ARHGAP45: variants seen among roughly 807,000 people sequenced by gnomAD.
The protein encoded by ARHGAP45 is rho GTPase-activating protein 45.
In ARHGAP45, 56 loss-of-function variants were observed where a neutral mutation model predicts 116.1. That is an observed-to-expected ratio of 0.48 (90% CI 0.39 to 0.60). ARHGAP45 has a LOEUF of 0.60. ARHGAP45 is among the 20% of genes least tolerant of loss of function. The pLI is 0.00. For missense variants in ARHGAP45, 1,622 were observed against 1,601.0 expected (o/e 1.01, Z -0.22); for synonymous variants, 866 against 701.7 (o/e 1.23, Z -3.70).
Position 1,080,476 on chromosome 19 carries a change from A to C in ARHGAP45, c.1841A>C (p.His614Pro). ...CCTCTTTCTCCAGCCGGGCGAGGAC[A>C]CCAGGTTCACAAGTCATGGCCGCTC... ...PAKDHRAGRG[H>P]QVHKSWPLSI... Residue 614 changes from histidine (H) to proline (P), a missense_variant, in exon 15 of 23, where the codon CAC (histidine) becomes CCC (proline). His to Pro is a moderately conservative substitution (Grantham distance 77). Coordinates refer to ENST00000313093, the MANE Select transcript of ARHGAP45 (RefSeq NM_012292.5). The C allele has an allele frequency of 6.2e-7, 1 of 1,612,832 alleles. No individual in the cohort carries two copies. Among genetic ancestry groups the C allele is most frequent in the Non-Finnish European group, 8.5e-7 (1 of 1,179,944 alleles).
intron 1 of ARHGAP45, 66 bp downstream of exon 1, chr19:1,067,561 T>C: frequency 7.0e-7 from 1 of 1,422,530 alleles, no homozygotes; most frequent in Non-Finnish European, 9.7e-7. Context: ...ACCCGCCCTG[T>C]GCTCGGGGCT....
chr19:1,084,457 A>G (rs548544862), intron 22 of ARHGAP45, 111 bp downstream of exon 22: 6 of 728,412 alleles, frequency 8.2e-6, no homozygotes, highest in African/African-American at 7.2e-5. Flanking sequence ...GGTGCTGCAC[A>G]TTCTGTGGAT....
intron 10 of ARHGAP45, among the ~76,000 whole-genome samples, chr19:1,075,456 G>C (rs558253914): frequency 6.6e-6 from 1 of 151,956 alleles, no homozygotes; most frequent in Admixed American, 6.6e-5. Context: ...TAGTGGTCAG[G>C]CTGGTCTCGA....
rs2145071723 is a variant in ARHGAP45, at chr19:1,080,965, C to G, written c.2091C>G (p.Ser697=). ...GACCGTTCCGCCACGAGGGGCTGTC[C>G]AAGGCGGCCCGTACTCACCGGCTCC... The part of the protein sequence containing the change: ...PSGPFRHEGL[S]KAARTHRLRK... Residue 697 remains serine (S), a synonymous_variant, in exon 17 of 23, where the codon TCC becomes TCG. Coordinates refer to ENST00000313093, the MANE Select transcript of ARHGAP45 (RefSeq NM_012292.5). The G allele has an allele frequency of 6.2e-7, 1 of 1,608,398 alleles. No individual in the cohort carries two copies. The highest frequency in any genetic ancestry group is 2.2e-5 in the East Asian group (1 of 44,662).
Position 1,074,478 on chromosome 19 carries a change from C to T in ARHGAP45, c.993+71C>T, listed in dbSNP as rs1353657158. ...TGAGTCTCAGCCCCATTTCAAGGGC[C>T]CAGGGACCAAGAGCAGGGGCTTCCC... On this transcript the variant is annotated intron_variant, in intron 8 of 22. Coordinates refer to ENST00000313093, the MANE Select transcript of ARHGAP45 (RefSeq NM_012292.5). 4 of 1,429,394 alleles carry T rather than the reference C, an allele frequency of 2.8e-6. No homozygotes were observed. The African/African-American group carries it at 5.8e-5, about 21-fold the overall frequency. The allele number at this position is 1,429,394 out of a possible 1,614,324, so 88.5% of individuals were successfully genotyped here.
chr19:1,081,714 C>T lies in ARHGAP45; in HGVS notation c.2355C>T (p.Ile785=), dbSNP rs2043440862. 4 of 1,583,564 alleles carry T rather than the reference C, an allele frequency of 2.5e-6. No individual in the cohort carries two copies. The African/African-American group carries it at 4.0e-5, about 16-fold the overall frequency. The change falls in exon 18 of 23, where the codon ATC becomes ATT. Residue 785 remains isoleucine, a synonymous_variant. Transcript: ENST00000313093. The part of the protein sequence containing the change: ...PFIVKKCVCE[I]ERRALRTKGI... ...TCGTCAAGAAGTGCGTCTGCGAGATCGAGCGGCGGGCGCTGCGCACCAAGG... is the reference window on the plus strand; with the variant it reads ...TCGTCAAGAAGTGCGTCTGCGAGATTGAGCGGCGGGCGCTGCGCACCAAGG...
chr19:1,083,116 A>G, intron 20 of ARHGAP45, 27 bp from the exon 21 acceptor site: 1 of 1,589,114 alleles, frequency 6.3e-7, no homozygotes, highest in Non-Finnish European at 8.5e-7. Context: ...GGAGCCGCTC[A>G]GCACCTGGCC....
In ARHGAP45 at chr19:1,080,065, C is replaced by T; in HGVS notation, c.1650C>T (p.Asp550=). 6.2e-7 allele frequency: 1 copy of T among 1,612,692 alleles called. No homozygotes were observed. Among genetic ancestry groups the T allele is most frequent in the African/African-American group, 1.3e-5 (1 of 75,058 alleles). ...CCCACGTGCGCCAGCTGCAGCGGGACCAGGAGCCCGATGTGCACTACGACT... is the reference window on the plus strand; with the variant it reads ...CCCACGTGCGCCAGCTGCAGCGGGATCAGGAGCCCGATGTGCACTACGACT... ...YASHVRQLQR[D]QEPDVHYDFE... is the part of the protein sequence containing the mutation. Residue 550 remains aspartate (D), a synonymous_variant, in exon 13 of 23, where the codon GAC becomes GAT. Transcript: ENST00000313093.
intron 2 of ARHGAP45, among the ~76,000 whole-genome samples, chr19:1,072,329 G>C (rs1027894043): frequency 5.3e-5 from 8 of 152,260 alleles, no homozygotes; most frequent in Admixed American, 5.2e-4. Context: ...CCAAGTGCTG[G>C]GATTACAGGC....
intron 11 of ARHGAP45, among the ~76,000 whole-genome samples, chr19:1,078,269 G>T (rs1466577847): frequency 6.6e-6 from 1 of 151,214 alleles, no homozygotes; most frequent in Admixed American, 6.6e-5. Context: ...TCAGCCTCCC[G>T]AGTAGCTGGG....
chr19:1,067,505 G>A lies in ARHGAP45; in HGVS notation c.90+10G>A. On this transcript the variant is annotated intron_variant, in intron 1 of 22. Transcript: ENST00000313093. ...CCCGCAGCCCTCGGGGGTGAGTGGA[G>A]CCCGGGTGAGACCCGGAGCTGACGC... 6.3e-7 allele frequency: 1 copy of A among 1,588,070 alleles called. No homozygotes were observed. The highest frequency in any genetic ancestry group is 1.1e-5 in the South Asian group (1 of 88,070).
intron 13 of ARHGAP45, 44 bp downstream of exon 13, chr19:1,080,162 C>T (rs753606051): frequency 1.2e-5 from 20 of 1,610,292 alleles, no homozygotes; most frequent in Middle Eastern, 1.7e-4. Context: ...CAAGGCCCTG[C>T]CTGGGAGCCG....
Position 1,074,899 on chromosome 19 carries a change from G to A in ARHGAP45, c.1185+20G>A, listed in dbSNP as rs746566010. ...AAGCTGGTGAGGCGGGCGGGCGGGG[G>A]CGGGCGGGGGCGGGCAGCGGGCCTC... On this transcript the variant is annotated intron_variant, in intron 10 of 22. Transcript: ENST00000313093. 4.1e-6 allele frequency: 6 copies of A among 1,462,246 alleles called. No individual in the cohort carries two copies. The highest frequency in any genetic ancestry group is 2.1e-5 in the Admixed American group (1 of 46,820). 90.6% of individuals were successfully genotyped at this position (1,462,246 alleles called of 1,614,324 possible). A position where few individuals can be genotyped will look rare whatever the true frequency, so the allele number is the denominator to read the frequency against.
rs575736644 is a variant in ARHGAP45 at position 1,068,849 on chromosome 19, T to C, written c.421+105T>C. 2.6e-5 allele frequency: 29 copies of C among 1,099,450 alleles called. No individual in the cohort carries two copies. The African/African-American group carries it at 3.3e-4, about 13-fold the overall frequency. 68.1% of individuals were successfully genotyped at this position (1,099,450 alleles called of 1,614,324 possible). ...GGCTCAGAAGGGAGGGAGGCTCAGA[T>C]GGCAGGGAGGGCTGTGTGGAAGAGG... On this transcript the variant is annotated intron_variant, in intron 2 of 22. Transcript: ENST00000313093. This position sits in a 1 kb window ranked among gnomAD's most constrained non-coding sequence, Gnocchi z 7.5.
At chr19:1,067,641 G>T in intron 1 of ARHGAP45, 146 bp downstream of exon 1, 1 of 807,636 alleles carries the variant, frequency 1.2e-6, no homozygotes. Flanking sequence ...AGGGGCCACA[G>T]CAGAGAGGCC....
chr19:1,068,270 CT>C lies in ARHGAP45; in HGVS notation c.91-143del. ...CAGGTGGGGGGGTACACTACCAAAT[CT>C]CGGCCCTGTGACCTCTGGCCTTTGA... is the stretch of plus-strand genomic sequence containing the variant. On this transcript the variant is annotated intron_variant, in intron 1 of 22. Coordinates refer to ENST00000313093, the MANE Select transcript of ARHGAP45 (RefSeq NM_012292.5). This position sits in a 1 kb window ranked among gnomAD's most constrained non-coding sequence, Gnocchi z 7.5. 1.5e-6 allele frequency: 1 copy of C among 657,076 alleles called. No individual in the cohort carries two copies. The allele number at this position is 657,076 out of a possible 1,614,324, so 40.7% of individuals were successfully genotyped here.
rs2043135023 is a variant in ARHGAP45, at chr19:1,071,237, T to A, written c.422-1912T>A. 1 of 1,468,070 alleles carries A rather than the reference T, an allele frequency of 6.8e-7. No homozygotes were observed. Among genetic ancestry groups the A allele is most frequent in the East Asian group, 3.1e-5 (1 of 32,774 alleles). 90.9% of individuals were successfully genotyped at this position (1,468,070 alleles called of 1,614,324 possible). ...TTTGGCCACCGGAGACCCCCATCGG[T>A]CAGCTGCCAGGCCCCACGCGCTCGC... On this transcript the variant is annotated intron_variant, in intron 2 of 22. Transcript: ENST00000313093. This position sits in a 1 kb window ranked among gnomAD's most constrained non-coding sequence, Gnocchi z 4.6.
intron 22 of ARHGAP45, 40 bp downstream of exon 22, chr19:1,084,386 G>C: frequency 1.3e-6 from 2 of 1,518,188 alleles, no homozygotes; most frequent in Non-Finnish European, 1.8e-6. Context: ...AGGGAGGCTG[G>C]CGTGTGCCAC....
intron 19 of ARHGAP45, 157 bp from the exon 20 acceptor site, chr19:1,082,683 G>A: frequency 1.6e-6 from 1 of 629,080 alleles, no homozygotes; most frequent in Non-Finnish European, 2.6e-6. Flanking sequence ...CTCACGCTGG[G>A]CTGGGAAAGG....
Sources: gnomAD v4.1 joint callset for allele counts (sites outside exome capture counted in the v4.1 genomes callset) on GRCh38, gnomAD v4.1.1 for gene constraint, Gnocchi (gnomAD v3.1) non-coding constraint, MANE v1.5 for transcripts, NCBI Gene and HGNC (gene_info 2026-07-23, HGNC 2026-07-21) for gene names.